Variants in HAVCR2 observed in about 807,000 individuals in gnomAD.
The protein encoded by HAVCR2 is T cell immunoglobulin mucin 3.
Under a neutral mutation model 24.7 loss-of-function variants are expected in HAVCR2, and 13 were observed. The ratio of observed to expected loss-of-function variants is 0.53; its 90% CI spans 0.34 to 0.84. The LOEUF (loss-of-function observed/expected upper bound fraction) is 0.84, where lower values mean the gene tolerates loss of function less well. Ranked by LOEUF, HAVCR2 falls within the 40% of genes least tolerant of loss-of-function variation. The pLI, the probability that HAVCR2 is intolerant of heterozygous loss-of-function variation, is 0.01. For missense variants in HAVCR2, 343 were observed against 371.2 expected, an observed-to-expected ratio of 0.92 and a Z score of 0.62; for synonymous variants, 154 against 143.4, an observed-to-expected ratio of 1.07 and a Z score of -0.53.
intron 4 of HAVCR2, 136 bp from the exon 5 acceptor site, chr5:157,095,595 G>A (rs1757085024): frequency 1.1e-6 from 1 of 912,960 alleles, no homozygotes; most frequent in Non-Finnish European, 1.7e-6. Flanking sequence ...CCTTTGATCT[G>A]TCACCTTGTA....
chr5:157,104,876 C>T, intron 2 of HAVCR2, 127 bp from the exon 3 acceptor site: 1 of 603,404 alleles, frequency 1.7e-6, no homozygotes, highest in Non-Finnish European at 3.0e-6. Context: ...CCTCAGCTTC[C>T]AAACCTGCCT....
intron 3 of HAVCR2, among the ~76,000 whole-genome samples, chr5:157,103,374 T>TA (rs10600273): frequency 3.4e-5 from 5 of 147,574 alleles, no homozygotes; most frequent in South Asian, 2.2e-4. Context: ...CCGTCTCAAT[T>TA]AAAAAAAAAA....
chr5:157,089,943 AT>A (rs1382304938), intron 5 of HAVCR2, among the ~76,000 whole-genome samples: 2 of 151,976 alleles, frequency 1.3e-5, no homozygotes, highest in African/African-American at 2.4e-5. Context: ...TGTGATCCTT[AT>A]TTGTTTTGGG....
intron 2 of HAVCR2, chr5:157,104,998 G>T: frequency 4.1e-6 from 1 of 246,754 alleles, no homozygotes; most frequent in Middle Eastern, 1.3e-3. Flanking sequence ...CCACACAAAT[G>T]GCCATAATTA....
rs559449914 is a variant in HAVCR2, at chr5:157,095,388, G to A, written c.594C>T (p.Thr198=). ...LANDLRDSGA[T]IRIGIYIGAG... is the part of the protein sequence containing the mutation. ...CTCCGATGTAGATGCCTATTCTGAT[G>A]GTTGCTCCAGAGTCCCGTAAGTCAT... The change falls in exon 5 of 7, where the codon ACC becomes ACT. Residue 198 remains threonine, a synonymous_variant. Transcript: ENST00000307851. 6.2e-7 allele frequency: 1 copy of A among 1,614,066 alleles called. No individual in the cohort carries two copies. Among genetic ancestry groups the A allele is most frequent in the East Asian group, 2.2e-5 (1 of 44,882 alleles).
At chr5:157,107,137 G>C in intron 1 of HAVCR2, 175 bp from the exon 2 acceptor site, 1 of 589,830 alleles carries the variant, frequency 1.7e-6, no homozygotes, top group Non-Finnish European at 2.9e-6. Flanking sequence ...AGAATCACTG[G>C]GAAGCCTTGC....
intron 5 of HAVCR2, among the ~76,000 whole-genome samples, chr5:157,092,694 C>T (rs1284650928): frequency 1.3e-5 from 2 of 151,620 alleles, no homozygotes; most frequent in African/African-American, 4.8e-5. Context: ...TATCCACTCA[C>T]CTCGGCCTCC....
At position 157,106,695 on chromosome 5, in the gene HAVCR2, C is replaced by CAGT; in HGVS notation, c.323_325dup (p.Tyr108dup). 1.2e-6 allele frequency: 2 copies of CAGT among 1,614,222 alleles called. No homozygotes were observed. Among genetic ancestry groups the CAGT allele is most frequent in the South Asian group, 2.2e-5 (2 of 91,086 alleles). ...TATGCCTGGGATTTGGATCCGGCAG[C>CAGT]AGTAGATCCCACTGTCTGCTAGAGT... is the stretch of plus-strand genomic sequence containing the variant. On this transcript the variant is annotated inframe_insertion, in exon 2 of 7. Coordinates refer to ENST00000307851, the MANE Select transcript of HAVCR2 (RefSeq NM_032782.5).
chr5:157,089,058 C>T (rs1756955940), intron 5 of HAVCR2, 81 bp from the exon 6 acceptor site: 14 of 1,270,414 alleles, frequency 1.1e-5, no homozygotes, highest in East Asian at 2.3e-5. Flanking sequence ...TCACTGGAAG[C>T]ACGCATAGTT....
At chr5:157,098,829 C>T (rs769100513) in intron 4 of HAVCR2, 29 bp downstream of exon 4, 10 of 1,603,186 alleles carry the variant, frequency 6.2e-6, no homozygotes, top group Non-Finnish European at 8.5e-6. Context: ...AAGTTGAGTA[C>T]AACATAGCTC....
chr5:157,095,305 C>T lies in HAVCR2; in HGVS notation c.676+1G>A, dbSNP rs2113688201. The T allele has an allele frequency of 2.5e-6, 4 of 1,613,316 alleles. No individual in the cohort carries two copies. The highest frequency in any genetic ancestry group is 3.4e-6 in the Non-Finnish European group (4 of 1,179,736). On this transcript the variant is annotated splice_donor_variant, in intron 5 of 6. Transcript: ENST00000307851. LOFTEE classifies it high-confidence loss of function. ...AGGGAGAGAGAAACAAAAACACTTA[C>T]ATTTGAAAATTAAAGCGCCGAAGAT...
chr5:157,101,869 A>G (rs1757172216), intron 3 of HAVCR2, among the ~76,000 whole-genome samples: 1 of 147,480 alleles, frequency 6.8e-6, no homozygotes, highest in African/African-American at 2.5e-5. Context: ...CAACCTCCTG[A>G]GTTCAAGCAA....
chr5:157,092,631 A>G (rs1757020928), intron 5 of HAVCR2, among the ~76,000 whole-genome samples: 1 of 151,602 alleles, frequency 6.6e-6, no homozygotes, highest in Non-Finnish European at 1.5e-5. Context: ...TTTTTAGTAG[A>G]GATGAGGTTT....
chr5:157,109,029 T>A lies in HAVCR2; in HGVS notation c.-46A>T, dbSNP rs751481100. On this transcript the variant is annotated 5_prime_UTR_variant, in exon 1 of 7. Coordinates refer to ENST00000307851, the MANE Select transcript of HAVCR2 (RefSeq NM_032782.5). ...CAGAGGACACCTCTGTTAGGCACAGTTTTAACTCTCCAAATGGACTGGGTA... is the reference window on the plus strand; with the variant it reads ...CAGAGGACACCTCTGTTAGGCACAGATTTAACTCTCCAAATGGACTGGGTA... The A allele has an allele frequency of 1.9e-6, 3 of 1,564,794 alleles. No individual in the cohort carries two copies. In the East Asian group the frequency reaches 6.7e-5, roughly 35 times the overall value.
In HAVCR2 at chr5:157,086,913, A is replaced by C; in HGVS notation, c.*189T>G. 1 of 561,810 alleles carries C rather than the reference A, an allele frequency of 1.8e-6. No individual in the cohort carries two copies. Among genetic ancestry groups the C allele is most frequent in the Non-Finnish European group, 3.1e-6 (1 of 324,494 alleles). 34.8% of individuals were successfully genotyped at this position (561,810 alleles called of 1,614,324 possible). Reference sequence around the variant, plus strand: ...TGGGTAACTCTGTTGGCTTAAATACAGAGGCAATGACATGCCTGTTTAAGT... The same window carrying C: ...TGGGTAACTCTGTTGGCTTAAATACCGAGGCAATGACATGCCTGTTTAAGT... On this transcript the variant is annotated 3_prime_UTR_variant, in exon 7 of 7. Coordinates refer to ENST00000307851, the MANE Select transcript of HAVCR2 (RefSeq NM_032782.5).
intron 1 of HAVCR2, chr5:157,107,174 G>C (rs1029107305): frequency 1.8e-6 from 1 of 545,680 alleles, no homozygotes; most frequent in Non-Finnish European, 3.3e-6. Context: ...GGGCTCAACT[G>C]CTAGAGTTCC....
rs70984442 is a variant in HAVCR2, at chr5:157,098,406, TA to T, written c.522+451del. Among the ~76,000 whole-genome samples, 118 of 138,206 alleles carry T rather than the reference TA, an allele frequency of 8.5e-4. 1 individual carries two copies. The highest frequency in any genetic ancestry group is 3.6e-3 in the Middle Eastern group (1 of 276). 90.7% of individuals were successfully genotyped at this position (138,206 alleles called of 152,430 possible). A position where few individuals can be genotyped will look rare whatever the true frequency, so the allele number is the denominator to read the frequency against. ...TGGGCAACAAGAGCGAAATTCTGTC[TA>T]AAAAAAAAAAAAAAAAACCTCTTCA... On this transcript the variant is annotated intron_variant, in intron 4 of 6. Coordinates refer to ENST00000307851, the MANE Select transcript of HAVCR2 (RefSeq NM_032782.5).
At chr5:157,101,089 C>T (rs955600819) in intron 3 of HAVCR2, among the ~76,000 whole-genome samples, 3 of 151,782 alleles carry the variant, frequency 2.0e-5, no homozygotes, top group African/African-American at 4.8e-5. Flanking sequence ...AGCAAGACTC[C>T]ATATCAAAAA....
intron 3 of HAVCR2, among the ~76,000 whole-genome samples, chr5:157,100,283 G>T (rs552479879): frequency 6.6e-6 from 1 of 152,264 alleles, no homozygotes; most frequent in East Asian, 1.9e-4. Context: ...TGACAAAATG[G>T]CCTTCCAATT....
Sources: allele counts gnomAD v4.1 joint callset (sites outside exome capture counted in the v4.1 genomes callset), GRCh38; gene constraint gnomAD v4.1.1; transcripts MANE v1.5; gene names NCBI Gene and HGNC (gene_info 2026-07-23, HGNC 2026-07-21).